The following ERC1 variants were observed in gnomAD, a reference collection of about 807,000 sequenced individuals.
ERC1 encodes ELKS/RAB6-interacting/CAST family member 1, also known as RAB6 interacting protein 2.
In ERC1, 56 loss-of-function variants were observed where a neutral mutation model predicts 132.0. The observed-to-expected ratio is 0.42, with a 90% confidence interval of 0.34 to 0.53. The LOEUF is 0.53. ERC1 is among the 20% of genes least tolerant of loss of function. ERC1 has a pLI of 0.03. For missense variants in ERC1, 1,202 were observed against 1,349.9 expected (o/e 0.89, Z 1.72); for synonymous variants, 478 against 476.1 (o/e 1.00, Z -0.05).
intron 18 of ERC1, among the ~76,000 whole-genome samples, chr12:1,457,892 CA>C (rs557064324): frequency 2.6e-5 from 4 of 151,572 alleles, no homozygotes; most frequent in African/African-American, 9.7e-5. Context: ...GACCCTGTCT[CA>C]AAAAAAGAAA....
chr12:1,027,923 C>G lies in ERC1; in HGVS notation c.20C>G (p.Ser7Cys). Residue 7 changes from serine to cysteine, a missense_variant, in exon 2 of 19, where the codon TCT becomes TGT. Coordinates refer to ENST00000360905, the MANE Select transcript of ERC1 (RefSeq NM_178040.4). The stretch of plus-strand genomic sequence containing the variant: ...GCAACCATGTATGGAAGTGCCCGCT[C>G]TGTTGGGAAGGTGGAGCCGAGCAGC... MYGSAR[S>C]VGKVEPSSQS... 6.2e-7 allele frequency: 1 copy of G among 1,609,930 alleles called. No homozygotes were observed. Among genetic ancestry groups the G allele is most frequent in the South Asian group, 1.1e-5 (1 of 90,836 alleles).
At chr12:1,340,370 T>C (rs1048498638) in intron 15 of ERC1, among the ~76,000 whole-genome samples, 27 of 152,116 alleles carry the variant, frequency 1.8e-4, no homozygotes, top group African/African-American at 6.5e-4. Context: ...TCCCTAGCCA[T>C]GCTCCACTAC....
intron 18 of ERC1, among the ~76,000 whole-genome samples, chr12:1,462,581 T>A (rs1241943939): frequency 6.6e-6 from 1 of 152,218 alleles, no homozygotes; most frequent in East Asian, 1.9e-4. Flanking sequence ...ACACAAAAAA[T>A]TATGTACTAA....
chr12:1,484,560 GTTTGT>G (rs2094168351), intron 18 of ERC1, among the ~76,000 whole-genome samples: 1 of 149,678 alleles, frequency 6.7e-6, no homozygotes, highest in East Asian at 2.0e-4. Flanking sequence ...TTGTTCGTTT[GTTTGT>G]TTTGAGTTTT....
At chr12:1,033,668 G>A (rs763882680) in intron 2 of ERC1, among the ~76,000 whole-genome samples, 7 of 149,556 alleles carry the variant, frequency 4.7e-5, no homozygotes, top group Non-Finnish European at 8.9e-5. Context: ...GTCTTGCTCT[G>A]TCGCCAGCTG....
chr12:1,309,815 TCAC>T (rs2081158644), intron 15 of ERC1, among the ~76,000 whole-genome samples: 1 of 151,990 alleles, frequency 6.6e-6, no homozygotes, highest in African/African-American at 2.4e-5. Flanking sequence ...AAAATGGCCT[TCAC>T]CATTTCCTGT....
At chr12:1,416,135 G>T (rs908348887) in intron 17 of ERC1, among the ~76,000 whole-genome samples, 3 of 152,128 alleles carry the variant, frequency 2.0e-5, no homozygotes, top group African/African-American at 7.2e-5. Flanking sequence ...GAATTGAATT[G>T]AATTCCTAAC....
intron 11 of ERC1, among the ~76,000 whole-genome samples, chr12:1,185,062 C>A (rs749788970): frequency 6.6e-6 from 1 of 152,168 alleles, no homozygotes; most frequent in Admixed American, 6.5e-5. Context: ...AGGCGCATGC[C>A]GCTGTGCCCG....
intron 1 of ERC1, among the ~76,000 whole-genome samples, chr12:1,001,030 A>G (rs1299778317): frequency 6.6e-6 from 1 of 152,004 alleles, no homozygotes; most frequent in African/African-American, 2.4e-5. Context: ...CAGCCTCCCA[A>G]GTAGCTGAGA....
chr12:1,317,328 C>T (rs2081823191), intron 15 of ERC1, among the ~76,000 whole-genome samples: 1 of 152,132 alleles, frequency 6.6e-6, no homozygotes, highest in Non-Finnish European at 1.5e-5. Context: ...ACCGCATGTT[C>T]TCACTCATAA....
intron 2 of ERC1, among the ~76,000 whole-genome samples, chr12:1,048,370 T>C (rs1565858916): frequency 6.6e-6 from 1 of 152,148 alleles, no homozygotes; most frequent in Non-Finnish European, 1.5e-5. Context: ...TGCCACCTCT[T>C]TTTCTTGTGA....
Position 1,112,258 on chromosome 12 carries a change from G to A in ERC1, c.1361G>A (p.Trp454Ter). 1 of 1,613,590 alleles carries A rather than the reference G, an allele frequency of 6.2e-7. No individual in the cohort carries two copies. Among genetic ancestry groups the A allele is most frequent in the Non-Finnish European group, 8.5e-7 (1 of 1,179,566 alleles). The change falls in exon 6 of 19, where the codon TGG (tryptophan) becomes TAG (stop). Residue 454 changes from tryptophan (W) to a stop codon, truncating the protein, a stop_gained. Transcript: ENST00000360905. LOFTEE classifies it high-confidence loss of function. ...GAACTAAGTTCGAAAGAGGCTCAATGGGAGGAGCTGAAAAAGAAAGCGGCT... is the reference window on the plus strand; with the variant it reads ...GAACTAAGTTCGAAAGAGGCTCAATAGGAGGAGCTGAAAAAGAAAGCGGCT... ...KEELSSKEAQWEELKKKAAGL... is the reference protein window; with the variant it reads ...KEELSSKEAQ
intron 12 of ERC1, among the ~76,000 whole-genome samples, chr12:1,204,754 GAA>G (rs1208632184): frequency 6.6e-6 from 1 of 152,124 alleles, no homozygotes; most frequent in African/African-American, 2.4e-5. Context: ...GACTGAGAGA[GAA>G]GTGGAGATGA....
chr12:1,296,271 T>C (rs1163710489), intron 15 of ERC1, among the ~76,000 whole-genome samples: 1 of 151,868 alleles, frequency 6.6e-6, no homozygotes, highest in Non-Finnish European at 1.5e-5. Flanking sequence ...GAGGCTGCAG[T>C]GAACTTTGAT....
chr12:1,104,612 G>GA (rs1945045788), intron 3 of ERC1, 138 bp from the exon 4 acceptor site: 3 of 633,286 alleles, frequency 4.7e-6, no homozygotes, highest in Non-Finnish European at 8.7e-6. Context: ...GATTCACAGG[G>GA]AAAGGTTGGT....
chr12:1,133,151 C>T (rs1467153678), intron 7 of ERC1, among the ~76,000 whole-genome samples: 1 of 46,336 alleles, frequency 2.2e-5, no homozygotes, highest in Admixed American at 3.4e-4. Flanking sequence ...AGCCACCACA[C>T]CTGGCCGGTT....
intron 1 of ERC1, among the ~76,000 whole-genome samples, chr12:1,015,018 C>T (rs1020971193): frequency 6.6e-6 from 1 of 151,614 alleles, no homozygotes; most frequent in Non-Finnish European, 1.5e-5. Context: ...CCCTCCTTGG[C>T]CTCCCAAAGT....
Position 1,028,193 on chromosome 12 carries a change from G to A in ERC1, c.290G>A (p.Arg97His), listed in dbSNP as rs752570620. ...ATGACACTTGGCCGTTCTGGGGGAC[G>A]TCTGCCTTACGGTGTTCGGATGACT... Reference protein sequence around the residue: ...STMTLGRSGGRLPYGVRMTAM... With the variant: ...STMTLGRSGGHLPYGVRMTAM... The change falls in exon 2 of 19, where the codon CGT becomes CAT. Residue 97 changes from arginine (R) to histidine (H), a missense_variant. Physicochemically the swap from Arg to His is conservative, Grantham distance 29. Transcript: ENST00000360905. The A allele has an allele frequency of 2.4e-5, 39 of 1,614,092 alleles. No homozygotes were observed. Among genetic ancestry groups the A allele is most frequent in the African/African-American group, 2.4e-4 (18 of 74,930 alleles).
chr12:1,202,690 A>G (rs1219057821), intron 12 of ERC1, among the ~76,000 whole-genome samples: 1 of 152,184 alleles, frequency 6.6e-6, no homozygotes, highest in African/African-American at 2.4e-5. Flanking sequence ...ATTTGATGCT[A>G]AAGTGAAATA....
Sources: allele counts gnomAD v4.1 joint callset (sites outside exome capture counted in the v4.1 genomes callset), GRCh38; gene constraint gnomAD v4.1.1; transcripts MANE v1.5; gene names NCBI Gene and HGNC (gene_info 2026-07-23, HGNC 2026-07-21).